CSMD1: variants seen among roughly 807,000 people sequenced by gnomAD.
CSMD1 encodes the protein CUB and Sushi multiple domains 1, also known as CUB and sushi domain-containing protein 1.
A neutral mutation model predicts 417.5 loss-of-function variants in CSMD1; 213 were observed. The ratio of observed to expected loss-of-function variants is 0.51; its 90% CI spans 0.46 to 0.57. CSMD1 has a LOEUF of 0.57. Among genes scored for constraint, CSMD1 ranks in the 20% least tolerant of loss-of-function variants. CSMD1 has a pLI of 0.00. For synonymous variants in CSMD1, 2,862 were observed against 1,736.8 expected, an observed-to-expected ratio of 1.65 and a Z score of -16.11; for missense variants, 6,923 against 4,529.7, an observed-to-expected ratio of 1.53 and a Z score of -15.17.
intron 3 of CSMD1, among the ~76,000 whole-genome samples, chr8:4,165,001 T>C (rs1797373398): frequency 1.3e-5 from 2 of 152,290 alleles, no homozygotes; most frequent in South Asian, 4.1e-4. Flanking sequence ...GTTTCCTATG[T>C]TCTTGTATGT....
At chr8:4,708,151 T>G (rs571246246) in intron 1 of CSMD1, among the ~76,000 whole-genome samples, 1 of 152,204 alleles carries the variant, frequency 6.6e-6, no homozygotes, top group East Asian at 1.9e-4. Context: ...GATGGAGTTT[T>G]GCTATGTCGA....
chr8:4,540,654 T>C (rs1485346823), intron 2 of CSMD1, among the ~76,000 whole-genome samples: 1 of 152,108 alleles, frequency 6.6e-6, no homozygotes, highest in African/African-American at 2.4e-5. Context: ...CACCTAACAG[T>C]GTACAAAGGT....
chr8:3,479,236 A>G (rs72621202), intron 11 of CSMD1, among the ~76,000 whole-genome samples: 4,310 of 152,252 alleles, frequency 0.028, 250 homozygotes, highest in East Asian at 0.18. Flanking sequence ...TTGCTAAAAT[A>G]TTAGGTGGGT....
intron 7 of CSMD1, among the ~76,000 whole-genome samples, chr8:3,666,391 T>A (rs894975363): frequency 2.0e-5 from 3 of 152,214 alleles, no homozygotes; most frequent in African/African-American, 7.2e-5. Flanking sequence ...AGTAATTGAT[T>A]AAAAATTTGA....
At chr8:4,106,222 A>T (rs1240975442) in intron 3 of CSMD1, among the ~76,000 whole-genome samples, 1 of 152,354 alleles carries the variant, frequency 6.6e-6, no homozygotes, top group Non-Finnish European at 1.5e-5. Context: ...GCATTGGGTC[A>T]GGGAGTGATC....
At chr8:3,475,881 T>G (rs1233175313) in intron 11 of CSMD1, among the ~76,000 whole-genome samples, 1 of 152,234 alleles carries the variant, frequency 6.6e-6, no homozygotes, top group African/African-American at 2.4e-5. Context: ...AATGCAAATG[T>G]GTCAGTGTTC....
rs939913292 is a variant in CSMD1 at position 4,495,308 on chromosome 8, G to C, written c.303-75243C>G. 2.6e-5 allele frequency among the ~76,000 whole-genome samples: 4 copies of C among 152,176 alleles called. No homozygotes were observed. In the East Asian group the frequency reaches 5.8e-4, roughly 22 times the overall value. ...AATGATTTCTCAGCTGGGCACGGTG[G>C]CTCACGCCTGTAATCCCAGCACTTT... On this transcript the variant is annotated intron_variant, in intron 2 of 69. Transcript: ENST00000635120.
At chr8:4,462,945 GAATT>G (rs928644502) in intron 2 of CSMD1, among the ~76,000 whole-genome samples, 3 of 151,980 alleles carry the variant, frequency 2.0e-5, no homozygotes, top group Non-Finnish European at 2.9e-5. Context: ...CACAAGAAAA[GAATT>G]AACTGGAATT....
chr8:4,321,911 TTTA>T (rs1799293077), intron 3 of CSMD1, among the ~76,000 whole-genome samples: 1 of 152,116 alleles, frequency 6.6e-6, no homozygotes, highest in African/African-American at 2.4e-5. Context: ...ACTTTTGCCT[TTTA>T]TTACAGTATA....
At chr8:3,463,970 G>C (rs150821589) in intron 12 of CSMD1, among the ~76,000 whole-genome samples, 2 of 152,152 alleles carry the variant, frequency 1.3e-5, no homozygotes, top group African/African-American at 4.8e-5. Context: ...GTATTCATCG[G>C]ACGAAGGAGA....
chr8:3,010,313 C>CTA (rs1307653532), intron 52 of CSMD1, among the ~76,000 whole-genome samples: 1 of 152,184 alleles, frequency 6.6e-6, no homozygotes, highest in Non-Finnish European at 1.5e-5. Flanking sequence ...TTTTTCGTAC[C>CTA]TATGCACTTC....
intron 5 of CSMD1, among the ~76,000 whole-genome samples, chr8:3,778,435 C>T (rs1799008724): frequency 6.6e-6 from 1 of 152,350 alleles, no homozygotes; most frequent in Middle Eastern, 3.4e-3. Context: ...TCTCTTTCCA[C>T]TTCCAGCCAT....
At chr8:3,352,789 A>T (rs963977162) in intron 21 of CSMD1, among the ~76,000 whole-genome samples, 5 of 152,200 alleles carry the variant, frequency 3.3e-5, no homozygotes, top group South Asian at 2.1e-4. Context: ...GCAGTGAACC[A>T]AGATCGTGCC....
chr8:4,664,591 T>C (rs996623025), intron 1 of CSMD1, among the ~76,000 whole-genome samples: 1 of 152,084 alleles, frequency 6.6e-6, no homozygotes, highest in Non-Finnish European at 1.5e-5. Context: ...ATAACAAAAA[T>C]AAATACATTT....
chr8:3,853,006 C>G (rs533473589), intron 5 of CSMD1, among the ~76,000 whole-genome samples: 93 of 152,202 alleles, frequency 6.1e-4, no homozygotes, highest in Admixed American at 1.4e-3. Context: ...TTGACATCAC[C>G]TCGTCCCCAA....
rs551001658 is a variant in CSMD1 at position 4,804,681 on chromosome 8, A to C, written c.86-167123T>G. Among the ~76,000 whole-genome samples, 8 of 152,330 alleles carry C rather than the reference A, an allele frequency of 5.3e-5. No individual in the cohort carries two copies. In the South Asian group the frequency reaches 1.2e-3, roughly 24 times the overall value. Reference sequence around the variant, plus strand: ...TTTACTGACTTTTAGTGATCAAAATATAAAACCAATATTATGTTCATACAT... The same window carrying C: ...TTTACTGACTTTTAGTGATCAAAATCTAAAACCAATATTATGTTCATACAT... On this transcript the variant is annotated intron_variant, in intron 1 of 69. Transcript: ENST00000635120.
At chr8:3,299,185 C>G (rs1804192980) in intron 25 of CSMD1, among the ~76,000 whole-genome samples, 1 of 152,186 alleles carries the variant, frequency 6.6e-6, no homozygotes, top group African/African-American at 2.4e-5. Flanking sequence ...GGTATGGTGG[C>G]TCACGCCTGT....
chr8:4,193,490 T>A (rs936959615), intron 3 of CSMD1, among the ~76,000 whole-genome samples: 1 of 151,708 alleles, frequency 6.6e-6, no homozygotes, highest in African/African-American at 2.4e-5. Context: ...TTAGGGAAGG[T>A]GACGATGGCT....
chr8:4,642,393 C>T (rs764048012), intron 1 of CSMD1, among the ~76,000 whole-genome samples: 9 of 152,176 alleles, frequency 5.9e-5, no homozygotes, highest in Non-Finnish European at 1.0e-4. Context: ...CACCCCCCTA[C>T]AGTTGGTTGG....
Sources: gnomAD v4.1 joint callset for allele counts (sites outside exome capture counted in the v4.1 genomes callset) on GRCh38, gnomAD v4.1.1 for gene constraint, MANE v1.5 for transcripts, NCBI Gene and HGNC (gene_info 2026-07-23, HGNC 2026-07-21) for gene names.